The following MACF1 variants were observed in gnomAD, a reference collection of about 807,000 sequenced individuals.
MACF1 encodes the protein microtubule actin crosslinking factor 1, also known as microtubule-actin cross-linking factor 1.
A neutral mutation model predicts 854.8 loss-of-function variants in MACF1; 193 were observed. The observed-to-expected ratio is 0.23, with a 90% CI of 0.20 to 0.25. The LOEUF is 0.25. Ranked by LOEUF, MACF1 falls within the 10% of genes least tolerant of loss-of-function variation. MACF1 has a pLI of 1.00. For missense variants in MACF1, 7,722 were observed against 8,929.1 expected, an observed-to-expected ratio of 0.86 and a Z score of 5.45; for synonymous variants, 3,185 against 3,226.7, an observed-to-expected ratio of 0.99 and a Z score of 0.44.
At chr1:39,157,655 A>C (rs1320488140) in intron 2 of MACF1, among the ~76,000 whole-genome samples, 2 of 152,206 alleles carry the variant, frequency 1.3e-5, no homozygotes, top group Non-Finnish European at 2.9e-5. Flanking sequence ...TTGCCATGCT[A>C]TCTCATTGGC....
At chr1:39,157,685 C>T (rs1300547721) in intron 2 of MACF1, among the ~76,000 whole-genome samples, 1 of 152,144 alleles carries the variant, frequency 6.6e-6, no homozygotes, top group Non-Finnish European at 1.5e-5. Flanking sequence ...GACTTTTGGG[C>T]AGATTACTTA....
At chr1:39,209,402 GTTTTA>G (rs1644490527) in intron 1 of MACF1, among the ~76,000 whole-genome samples, 1 of 152,116 alleles carries the variant, frequency 6.6e-6, no homozygotes, top group Admixed American at 6.5e-5. Flanking sequence ...GTTGCCCTGT[GTTTTA>G]TTTTATTAAA....
chr1:39,477,817 A>T (rs1644938168), intron 97 of MACF1, among the ~76,000 whole-genome samples: 1 of 152,166 alleles, frequency 6.6e-6, no homozygotes, highest in Non-Finnish European at 1.5e-5. Flanking sequence ...AATTACAGTC[A>T]GCTGCATTAT....
At chr1:39,185,054 G>A (rs1644148802) in intron 2 of MACF1, among the ~76,000 whole-genome samples, 1 of 152,336 alleles carries the variant, frequency 6.6e-6, no homozygotes, top group African/African-American at 2.4e-5. Context: ...CACTTTGGGA[G>A]GCCGAGGCAG....
intron 2 of MACF1, among the ~76,000 whole-genome samples, chr1:39,104,115 T>C (rs1258897245): frequency 6.6e-6 from 1 of 152,182 alleles, no homozygotes; most frequent in Non-Finnish European, 1.5e-5. Context: ...TGTGCCCTTA[T>C]TGTGAGATCA....
chr1:39,434,460 T>C lies in MACF1; in HGVS notation c.17612T>C (p.Leu5871Pro). 6.3e-7 allele frequency: 1 copy of C among 1,581,880 alleles called. No homozygotes were observed. Among genetic ancestry groups the C allele is most frequent in the Non-Finnish European group, 8.6e-7 (1 of 1,160,394 alleles). Reference protein sequence around the residue: ...LIQQYEAISLLNSERYARLER... With the variant: ...LIQQYEAISLPNSERYARLER... The stretch of plus-strand genomic sequence containing the variant: ...CAGCAATATGAAGCCATTAGCCTAC[T>C]CAATTCAGAGCGTTATGCCCGCCTA... The change falls in exon 69 of 101, where the codon CTC becomes CCC. Residue 5871 changes from leucine to proline, a missense_variant. By Grantham distance (98) the Leu-to-Pro change is moderately conservative (BLOSUM62 -3). This residue lies in a region of MACF1 where 2,807 missense variants were observed against 3,235.8 expected (regional missense o/e 0.87). Transcript: ENST00000564288.
chr1:39,282,068 AATATATGTTGGAATAGTCCT>A lies in MACF1; in HGVS notation c.529-139_529-120del. ...CATTTATTTGACTAGCAAGAGGGGGAATATATGTTGGAATAGTCCTCTAAAGTGCTTCCAGCCTTGGACCT... is the reference window on the plus strand; with the variant it reads ...CATTTATTTGACTAGCAAGAGGGGGACTAAAGTGCTTCCAGCCTTGGACCT... On this transcript the variant is annotated intron_variant, in intron 6 of 100. Coordinates refer to ENST00000564288, the MANE Select transcript of MACF1 (RefSeq NM_001394062.1). The A allele has an allele frequency of 4.8e-6, 3 of 629,944 alleles. No individual in the cohort carries two copies. The East Asian group carries it at 8.7e-5, about 18-fold the overall frequency. The allele number at this position is 629,944 out of a possible 1,614,324, so 39.0% of individuals were successfully genotyped here.
In MACF1 at chr1:39,426,096, A is replaced by C. The variant is rs1643718238; in HGVS notation, c.16317-1359A>C. 2.0e-5 allele frequency among the ~76,000 whole-genome samples: 3 copies of C among 152,192 alleles called. No homozygotes were observed. In the East Asian group the frequency reaches 5.8e-4, roughly 29 times the overall value. On this transcript the variant is annotated intron_variant, in intron 61 of 100. Transcript: ENST00000564288. ...ATCAAATGAGTAAGAAAGACATAAAAATTAGAGGCAATTTTTAAAAAATGA... is the reference window on the plus strand; with the variant it reads ...ATCAAATGAGTAAGAAAGACATAAACATTAGAGGCAATTTTTAAAAAATGA...
At position 39,373,082 on chromosome 1, in the gene MACF1, G is replaced by A. The variant is rs575318407; in HGVS notation, c.13213+486G>A. On this transcript the variant is annotated intron_variant, in intron 52 of 100. Coordinates refer to ENST00000564288, the MANE Select transcript of MACF1 (RefSeq NM_001394062.1). Reference sequence around the variant, plus strand: ...AGCACTTTGGGAGGCCAAGGCAGGCGGATCACGAAGTCAGGAGATTGAGAC... The same window carrying A: ...AGCACTTTGGGAGGCCAAGGCAGGCAGATCACGAAGTCAGGAGATTGAGAC... 2.6e-4 allele frequency: 43 copies of A among 165,156 alleles called. 1 individual carries two copies. The East Asian group carries it at 4.8e-3, about 18-fold the overall frequency. The allele number at this position is 165,156 out of a possible 1,614,324, so 10.2% of individuals were successfully genotyped here. A position where few individuals can be genotyped will look rare whatever the true frequency, so the allele number is the denominator to read the frequency against.
At chr1:39,416,703 G>A (rs1281885338) in intron 58 of MACF1, among the ~76,000 whole-genome samples, 3 of 152,154 alleles carry the variant, frequency 2.0e-5, no homozygotes, top group Admixed American at 6.5e-5. Context: ...GCTACAGGAG[G>A]TAATCCTTTT....
At chr1:39,120,286 T>C (rs1304322171) in intron 2 of MACF1, among the ~76,000 whole-genome samples, 2 of 152,328 alleles carry the variant, frequency 1.3e-5, no homozygotes, top group South Asian at 4.1e-4. Context: ...CCCTTTGGAA[T>C]GTTATAATTC....
Position 39,382,143 on chromosome 1 carries a change from A to G in MACF1, c.13839A>G (p.Gln4613=), listed in dbSNP as rs754176443. The change falls in exon 56 of 101, where the codon CAA becomes CAG. Residue 4613 remains glutamine, a synonymous_variant. Coordinates refer to ENST00000564288, the MANE Select transcript of MACF1 (RefSeq NM_001394062.1). ...CCAACATGTTGAATGCACAAAAGCA[A>G]CAGGTCCAGGTGAGCAATATAGCAA... ...IDPNMLNAQK[Q]QVQFMLKEFE... The G allele has an allele frequency of 8.1e-6, 13 of 1,613,640 alleles. No individual in the cohort carries two copies. The highest frequency in any genetic ancestry group is 8.0e-5 in the African/African-American group (6 of 74,946).
At position 39,469,439 on chromosome 1, in the gene MACF1, G is replaced by A. The variant is rs576355318; in HGVS notation, c.21890-108G>A. ...CTTTTTCCTGTTAGCAGAGCTGCAT[G>A]TGGGTGCACAGGAGGCTCCCCCACT... On this transcript the variant is annotated intron_variant, in intron 96 of 100. Coordinates refer to ENST00000564288, the MANE Select transcript of MACF1 (RefSeq NM_001394062.1). 8.4e-5 allele frequency: 65 copies of A among 771,000 alleles called. 1 individual carries two copies. Among genetic ancestry groups the A allele is most frequent in the South Asian group, 8.3e-4 (56 of 67,372 alleles). The allele number at this position is 771,000 out of a possible 1,614,324, so 47.8% of individuals were successfully genotyped here.
intron 29 of MACF1, among the ~76,000 whole-genome samples, chr1:39,317,707 A>G (rs972939333): frequency 1.3e-5 from 2 of 152,308 alleles, no homozygotes; most frequent in African/African-American, 4.8e-5. Context: ...GACAAAACCT[A>G]TACTCTAGTT....
At chr1:39,356,480 C>A (rs931804545) in intron 44 of MACF1, among the ~76,000 whole-genome samples, 24 of 152,036 alleles carry the variant, frequency 1.6e-4, no homozygotes, top group African/African-American at 5.8e-4. Flanking sequence ...TCAAGCAATT[C>A]TCCTGCCTCA....
intron 2 of MACF1, chr1:39,102,728 CT>C: frequency 1.4e-6 from 1 of 701,850 alleles, no homozygotes; most frequent in Middle Eastern, 2.3e-4. Flanking sequence ...CATCCTTCTG[CT>C]TCCCCCATTG....
At position 39,180,680 on chromosome 1, in the gene MACF1, T is replaced by C. The variant is rs566513700; in HGVS notation, c.221-50502T>C. On this transcript the variant is annotated intron_variant, in intron 2 of 93. Coordinates refer to the MACF1 transcript ENST00000361689. ...ATACTTTTTTACATATTTGACGCATTTGTGATAGAGAAATGGATTATGATT... is the reference window on the plus strand; with the variant it reads ...ATACTTTTTTACATATTTGACGCATCTGTGATAGAGAAATGGATTATGATT... 2.0e-5 allele frequency among the ~76,000 whole-genome samples: 3 copies of C among 152,182 alleles called. 1 individual carries two copies. Among genetic ancestry groups the C allele is most frequent in the Non-Finnish European group, 4.4e-5 (3 of 68,020 alleles).
chr1:39,086,539 T>C (rs1641678503), intron 2 of MACF1, among the ~76,000 whole-genome samples: 1 of 152,244 alleles, frequency 6.6e-6, no homozygotes, highest in Non-Finnish European at 1.5e-5. Context: ...TGATGACTCA[T>C]AAACCTCTTT....
At chr1:39,203,283 AGCCTTG>A (rs1644414065), upstream of MACF1, among the ~76,000 whole-genome samples, 1 of 152,228 alleles carries the variant, frequency 6.6e-6, no homozygotes, top group South Asian at 2.1e-4. Flanking sequence ...GGCTTGCTGC[AGCCTTG>A]ATTCCTGGGC....
Sources: allele counts gnomAD v4.1 joint callset (sites outside exome capture counted in the v4.1 genomes callset), GRCh38; gene constraint gnomAD v4.1.1; regional missense constraint gnomAD v4.1.1; transcripts MANE v1.5; gene names NCBI Gene and HGNC (gene_info 2026-07-23, HGNC 2026-07-21).